Variants in GUCA1C observed in about 807,000 individuals in gnomAD.
GUCA1C encodes guanylate cyclase activator 1C.
A neutral mutation model predicts 16.2 loss-of-function variants in GUCA1C; 15 were observed. The observed-to-expected ratio is 0.93, with a 90% CI of 0.62 to 1.43. GUCA1C has a LOEUF of 1.43. Among genes scored for constraint, GUCA1C ranks in the 40% most tolerant of loss-of-function variants. The pLI is 0.00. For synonymous variants in GUCA1C, 78 were observed against 85.4 expected (o/e 0.91, Z 0.48); for missense variants, 275 against 244.8 (o/e 1.12, Z -0.82).
intron 1 of GUCA1C, among the ~76,000 whole-genome samples, chr3:108,947,006 A>C (rs1043500794): frequency 1.3e-5 from 2 of 152,142 alleles, no homozygotes; most frequent in African/African-American, 2.4e-5. Context: ...CAAAATCACT[A>C]AAAGAGTAGA....
intron 1 of GUCA1C, among the ~76,000 whole-genome samples, chr3:108,946,747 TC>T (rs777899227): frequency 6.6e-6 from 1 of 151,872 alleles, no homozygotes; most frequent in Non-Finnish European, 1.5e-5. Flanking sequence ...AACCAATGAC[TC>T]ACTTTCCCTA....
At chr3:108,916,077 C>T in intron 3 of GUCA1C, 50 bp downstream of exon 3, 1 of 1,607,728 alleles carries the variant, frequency 6.2e-7, no homozygotes, top group Non-Finnish European at 8.5e-7. Flanking sequence ...CCACTACCAC[C>T]ATCTCCTACT....
At chr3:108,943,501 C>T (rs992914720) in intron 1 of GUCA1C, among the ~76,000 whole-genome samples, 1 of 152,094 alleles carries the variant, frequency 6.6e-6, no homozygotes, top group East Asian at 1.9e-4. Context: ...AAACAACAGC[C>T]CTCTGCATGA....
upstream of GUCA1C, among the ~76,000 whole-genome samples, chr3:108,954,882 G>A (rs979680660): frequency 9.2e-5 from 14 of 151,662 alleles, no homozygotes; most frequent in African/African-American, 3.1e-4. Context: ...GACTACAGGC[G>A]CCCGCCACCA....
chr3:108,916,126 C>T lies in GUCA1C; in HGVS notation c.442+1G>A, dbSNP rs10933973. 1.9e-6 allele frequency: 3 copies of T among 1,611,876 alleles called. No homozygotes were observed. Among genetic ancestry groups the T allele is most frequent in the African/African-American group, 1.3e-5 (1 of 74,778 alleles). On this transcript the variant is annotated splice_donor_variant, in intron 3 of 3. Transcript: ENST00000261047. LOFTEE classifies it high-confidence loss of function. ...GATCCAGTAGAGAGTAGCTCCATTA[C>T]CATCATTGTTTATATCGATCTTATG...
In GUCA1C at chr3:108,910,589, A is replaced by G. The variant is rs1576542202; in HGVS notation, c.443-2380T>C. 2.6e-5 allele frequency among the ~76,000 whole-genome samples: 4 copies of G among 152,090 alleles called. No individual in the cohort carries two copies. In the East Asian group the frequency reaches 7.7e-4, roughly 29 times the overall value. On this transcript the variant is annotated intron_variant, in intron 3 of 3. Transcript: ENST00000261047. Reference sequence around the variant, plus strand: ...ATCATGGGACTTAGAAGTAATCTGAAGTCATTACTGAGTTTTTATTACTTT... The same window carrying G: ...ATCATGGGACTTAGAAGTAATCTGAGGTCATTACTGAGTTTTTATTACTTT...
At chr3:108,915,375 T>C (rs1214192407) in intron 3 of GUCA1C, among the ~76,000 whole-genome samples, 2 of 152,200 alleles carry the variant, frequency 1.3e-5, no homozygotes, top group Non-Finnish European at 2.9e-5. Context: ...AAATTTTCTG[T>C]TTTTCAAGGA....
chr3:108,953,548 A>G lies in GUCA1C; in HGVS notation c.204+11T>C. On this transcript the variant is annotated intron_variant, in intron 1 of 3. Transcript: ENST00000261047. ...GCATTTTCAAATGAAATGAAAAATG[A>G]AAGATCTTACCTTGTTCGTGTCAAA... The G allele has an allele frequency of 6.5e-7, 1 of 1,543,648 alleles. No individual in the cohort carries two copies. The highest frequency in any genetic ancestry group is 9.0e-7 in the Non-Finnish European group (1 of 1,116,248).
chr3:108,929,703 C>G (rs116526876), intron 1 of GUCA1C, among the ~76,000 whole-genome samples: 59 of 152,206 alleles, frequency 3.9e-4, no homozygotes, highest in Non-Finnish European at 7.3e-4. Flanking sequence ...ATCCTCACCA[C>G]TGAACTTCTT....
chr3:108,953,388 C>G (rs1263273177), intron 1 of GUCA1C, among the ~76,000 whole-genome samples, 171 bp downstream of exon 1: 2 of 151,300 alleles, frequency 1.3e-5, no homozygotes, highest in Admixed American at 1.3e-4. Flanking sequence ...GCCGTCAGTA[C>G]TAAAAGTATT....
intron 1 of GUCA1C, among the ~76,000 whole-genome samples, chr3:108,938,870 A>G (rs1252029926): frequency 6.6e-6 from 1 of 152,226 alleles, no homozygotes; most frequent in African/African-American, 2.4e-5. Context: ...TTGATTATTA[A>G]TAGGTTTTCT....
chr3:108,950,367 T>C lies in GUCA1C; in HGVS notation c.204+3192A>G, dbSNP rs530407171. Among the ~76,000 whole-genome samples the C allele has an allele frequency of 3.9e-5, 6 of 152,342 alleles. No individual in the cohort carries two copies. In the East Asian group the frequency reaches 9.6e-4, roughly 24 times the overall value. ...TGCTGCAATAAACATGGAGTGCAGA[T>C]AACCTTTCAACATACTGTTTCCATT... On this transcript the variant is annotated intron_variant, in intron 1 of 3. Transcript: ENST00000261047.
chr3:108,938,400 C>T (rs1946751026), intron 1 of GUCA1C, among the ~76,000 whole-genome samples: 1 of 152,164 alleles, frequency 6.6e-6, no homozygotes, highest in Non-Finnish European at 1.5e-5. Flanking sequence ...AAAATGATTA[C>T]TCAGATGGTC....
In GUCA1C at chr3:108,908,060, G is replaced by A. The variant is rs1215597864; in HGVS notation, c.592C>T (p.Pro198Ser). ...PDMETDSSKS[P>S]DKAGLGKVKM... The stretch of plus-strand genomic sequence containing the variant: ...ACCTTCCCTAGACCAGCCTTGTCAG[G>A]AGATTTGGAGGAGTCTGTCTCCATG... Residue 198 changes from proline to serine, a missense_variant, in exon 4 of 4, where the codon CCT becomes TCT. Coordinates refer to ENST00000261047, the MANE Select transcript of GUCA1C (RefSeq NM_005459.4). The A allele has an allele frequency of 1.2e-6, 2 of 1,613,674 alleles. No homozygotes were observed. Among genetic ancestry groups the A allele is most frequent in the South Asian group, 1.1e-5 (1 of 90,960 alleles).
chr3:108,925,366 A>T (rs1392917687), intron 1 of GUCA1C, among the ~76,000 whole-genome samples: 1 of 152,138 alleles, frequency 6.6e-6, no homozygotes, highest in Non-Finnish European at 1.5e-5. Context: ...TTCCATCTTA[A>T]TCTCATTGTT....
chr3:108,908,296 T>C lies in GUCA1C; in HGVS notation c.443-87A>G, dbSNP rs1946411869. Reference sequence around the variant, plus strand: ...ATACTCACTGGTATGTTTATTGATATTCTTTTGATATCCTTTCCCCTCAAC... The same window carrying C: ...ATACTCACTGGTATGTTTATTGATACTCTTTTGATATCCTTTCCCCTCAAC... On this transcript the variant is annotated intron_variant, in intron 3 of 3. Transcript: ENST00000261047. 7.6e-6 allele frequency: 5 copies of C among 660,782 alleles called. No individual in the cohort carries two copies. In the Admixed American group the frequency reaches 1.2e-4, roughly 15 times the overall value. 40.9% of individuals were successfully genotyped at this position (660,782 alleles called of 1,614,324 possible). A position where few individuals can be genotyped will look rare whatever the true frequency, so the allele number is the denominator to read the frequency against.
rs921856437 is a variant in GUCA1C at position 108,953,753 on chromosome 3, C to T, written c.10G>A (p.Gly4Ser). The change falls in exon 1 of 4, where the codon GGC becomes AGC. Residue 4 changes from glycine (G) to serine (S), a missense_variant. Gly to Ser is a moderately conservative substitution (Grantham distance 56). Transcript: ENST00000261047. ...TTCTGATCACCAGCTATAGATTTGCCATTCCCCATCTTGACTCACAGTCTA... is the reference window on the plus strand; with the variant it reads ...TTCTGATCACCAGCTATAGATTTGCTATTCCCCATCTTGACTCACAGTCTA... MGNGKSIAGDQKAV... is the reference protein window; with the variant it reads MGNSKSIAGDQKAV... The T allele has an allele frequency of 1.9e-6, 3 of 1,611,524 alleles. No homozygotes were observed. The highest frequency in any genetic ancestry group is 2.5e-6 in the Non-Finnish European group (3 of 1,177,742).
chr3:108,914,486 G>T (rs1455580471), intron 3 of GUCA1C, among the ~76,000 whole-genome samples: 2 of 152,178 alleles, frequency 1.3e-5, no homozygotes, highest in African/African-American at 4.8e-5. Context: ...TCCGAGGAAG[G>T]TCACTTTCCT....
intron 1 of GUCA1C, among the ~76,000 whole-genome samples, chr3:108,941,019 G>C (rs1946780944): frequency 6.6e-6 from 1 of 151,962 alleles, no homozygotes; most frequent in Admixed American, 6.6e-5. Context: ...TCCTGTTGCT[G>C]GGCTGTGATT....
Sources: allele counts gnomAD v4.1 joint callset (sites outside exome capture counted in the v4.1 genomes callset), GRCh38; gene constraint gnomAD v4.1.1; transcripts MANE v1.5; gene names NCBI Gene and HGNC (gene_info 2026-07-23, HGNC 2026-07-21).